Variants in SNED1 observed in about 807,000 individuals in gnomAD.
The protein encoded by SNED1 is sushi, nidogen and EGF-like domain-containing protein 1.
SNED1 carries 81 observed loss-of-function variants against 166.7 expected under a neutral mutation model. The ratio of observed to expected loss-of-function variants is 0.49; its 90% CI spans 0.41 to 0.58. The LOEUF (loss-of-function observed/expected upper bound fraction) is 0.58. Ranked by LOEUF, SNED1 falls within the 20% of genes least tolerant of loss-of-function variation. The probability of loss-of-function intolerance (pLI) is 0.00; values close to 1 mark genes in which losing one functional copy is unlikely to be tolerated. For missense variants in SNED1, 1,604 were observed against 2,000.2 expected (o/e 0.80, Z 3.78); for synonymous variants, 762 against 822.0 (o/e 0.93, Z 1.25).
At chr2:241,046,209 A>G (rs1368896716) in intron 8 of SNED1, among the ~76,000 whole-genome samples, 3 of 152,250 alleles carry the variant, frequency 2.0e-5, no homozygotes, top group Admixed American at 6.5e-5. Flanking sequence ...TTTAGTGGAA[A>G]TGCAAAATGG....
At position 241,067,787 on chromosome 2, in the gene SNED1, G is replaced by T; in HGVS notation, c.3034G>T (p.Glu1012Ter). The change falls in exon 22 of 32, where the codon GAG becomes TAG. Residue 1012 changes from glutamate to a stop codon, truncating the protein, a stop_gained. Transcript: ENST00000310397. LOFTEE classifies it high-confidence loss of function. ...AGGACCCCGCCCTGTGGAAGGCTTCGAGGTCACCAATGTGACGGCTAGCAC... is the reference window on the plus strand; with the variant it reads ...AGGACCCCGCCCTGTGGAAGGCTTCTAGGTCACCAATGTGACGGCTAGCAC... ...RTRPRPVEGF[E>*]VTNVTASTIS... 1 of 1,610,798 alleles carries T rather than the reference G, an allele frequency of 6.2e-7. No homozygotes were observed. Among genetic ancestry groups the T allele is most frequent in the Non-Finnish European group, 8.5e-7 (1 of 1,177,536 alleles).
intron 17 of SNED1, 139 bp from the exon 18 acceptor site, chr2:241,063,448 G>A (rs2062307505): frequency 1.5e-6 from 1 of 687,478 alleles, no homozygotes; most frequent in African/African-American, 1.8e-5. Context: ...GCTGATGGAA[G>A]AAAAAGCACA....
chr2:241,000,789 A>G (rs922830030), intron 1 of SNED1, among the ~76,000 whole-genome samples: 3 of 152,186 alleles, frequency 2.0e-5, no homozygotes, highest in Non-Finnish European at 4.4e-5. Flanking sequence ...TCCTGAAACA[A>G]AGATATTATT....
At chr2:241,088,447 A>G (rs781587567) in intron 31 of SNED1, 45 bp downstream of exon 31, 57 of 1,528,094 alleles carry the variant, frequency 3.7e-5, no homozygotes, top group Non-Finnish European at 4.8e-5. Context: ...AGCTGCTGGG[A>G]AGTGGGGGGC....
At chr2:241,015,346 T>C (rs981339798) in intron 1 of SNED1, among the ~76,000 whole-genome samples, 18 of 152,244 alleles carry the variant, frequency 1.2e-4, no homozygotes, top group African/African-American at 4.1e-4. Flanking sequence ...AGAGTTACTC[T>C]TAGGTACTTG....
Position 241,051,792 on chromosome 2 carries a change from G to A in SNED1, c.1784G>A (p.Cys595Tyr). The A allele has an allele frequency of 6.4e-7, 1 of 1,559,020 alleles. No individual in the cohort carries two copies. The highest frequency in any genetic ancestry group is 1.2e-5 in the South Asian group (1 of 84,134). ...SSGPCRNGGT[C>Y]KEAGGEYHCS... ...GGGCCCTGCCGGAACGGGGGCACGT[G>A]CAAGGAGGCGGGCGGCGAGTACCAC... The change falls in exon 13 of 32, where the codon TGC (cysteine) becomes TAC (tyrosine). Residue 595 changes from cysteine to tyrosine, a missense_variant. By Grantham distance (194) the Cys-to-Tyr change is radical. Coordinates refer to ENST00000310397, the MANE Select transcript of SNED1 (RefSeq NM_001080437.3). This position sits in a 1 kb window ranked among gnomAD's most constrained non-coding sequence, Gnocchi z 4.7.
intron 27 of SNED1, among the ~76,000 whole-genome samples, chr2:241,080,010 C>T (rs962671113): frequency 4.2e-4 from 64 of 152,184 alleles, no homozygotes; most frequent in East Asian, 3.9e-4. Context: ...TTTGGCTGGG[C>T]GCAGTGGCTC....
intron 1 of SNED1, among the ~76,000 whole-genome samples, chr2:241,012,651 C>A (rs2060446885): frequency 6.6e-6 from 1 of 152,136 alleles, no homozygotes; most frequent in African/African-American, 2.4e-5. Context: ...AATTGACAGA[C>A]AAAATTGTGT....
intron 1 of SNED1, among the ~76,000 whole-genome samples, chr2:241,025,373 C>T (rs2060926816): frequency 1.3e-5 from 2 of 152,118 alleles, no homozygotes; most frequent in South Asian, 4.1e-4. Flanking sequence ...GGACCACTGC[C>T]CTAGACAACA....
rs2060668531 is a variant in SNED1, at chr2:241,018,490, G to A, written c.214-11794G>A. Among the ~76,000 whole-genome samples the A allele has an allele frequency of 6.6e-6, 1 of 152,186 alleles. No individual in the cohort carries two copies. The highest frequency in any genetic ancestry group is 1.9e-4 in the East Asian group (1 of 5,190). ...GTTCACTCAGCCCCCTGCACGTCCC[G>A]GGGTCTAAGGTGGTCCCTGGTCAGG... On this transcript the variant is annotated intron_variant, in intron 1 of 31. Transcript: ENST00000310397. This position sits in a 1 kb window ranked among gnomAD's most constrained non-coding sequence, Gnocchi z 5.4.
intron 16 of SNED1, among the ~76,000 whole-genome samples, chr2:241,061,300 C>T (rs557614800): frequency 2.0e-5 from 3 of 152,262 alleles, no homozygotes; most frequent in Admixed American, 2.0e-4. Flanking sequence ...CAGGGAAATG[C>T]AAATCAAAAG....
rs750170874 is a variant in SNED1 at position 241,069,971 on chromosome 2, C to T, written c.3359C>T (p.Ala1120Val). Residue 1120 changes from alanine to valine, a missense_variant, in exon 24 of 32, where the codon GCC becomes GTC. By Grantham distance (64) the Ala-to-Val change is moderately conservative. Coordinates refer to ENST00000310397, the MANE Select transcript of SNED1 (RefSeq NM_001080437.3). This position sits in a 1 kb window ranked among gnomAD's most constrained non-coding sequence, Gnocchi z 4.9. ...LTAARVTATSAHVVWDAPTPG... is the reference protein window; with the variant it reads ...LTAARVTATSVHVVWDAPTPG... ...GCCGCCCGAGTCACTGCCACCTCTG[C>T]CCACGTGGTCTGGGATGCCCCGACT... 12 of 1,612,890 alleles carry T rather than the reference C, an allele frequency of 7.4e-6. No homozygotes were observed. Among genetic ancestry groups the T allele is most frequent in the Non-Finnish European group, 9.3e-6 (11 of 1,179,886 alleles).
chr2:241,004,518 C>T (rs1490957853), intron 1 of SNED1, among the ~76,000 whole-genome samples: 2 of 144,686 alleles, frequency 1.4e-5, no homozygotes, highest in African/African-American at 5.1e-5. Flanking sequence ...TTATTACCTA[C>T]ACCTCTGATT....
chr2:241,006,241 T>A (rs2060218215), intron 1 of SNED1, among the ~76,000 whole-genome samples: 3 of 152,236 alleles, frequency 2.0e-5, no homozygotes. Context: ...TGTATTTGGA[T>A]CTTTTCTGCA....
intron 16 of SNED1, among the ~76,000 whole-genome samples, chr2:241,061,017 T>C (rs373981135): frequency 6.6e-6 from 1 of 152,216 alleles, no homozygotes; most frequent in East Asian, 1.9e-4. Context: ...GAAAGACTCC[T>C]TAAGCCACAA....
At position 241,087,584 on chromosome 2, in the gene SNED1, G is replaced by A. The variant is rs1388148321; in HGVS notation, c.4205+109G>A. On this transcript the variant is annotated intron_variant, in intron 30 of 31. Coordinates refer to ENST00000310397, the MANE Select transcript of SNED1 (RefSeq NM_001080437.3). Reference sequence around the variant, plus strand: ...GCAGGCCTGTGGGCTGAGCCAGGCGGTCTACTCGCCCAGATAGGCAGCCCC... The same window carrying A: ...GCAGGCCTGTGGGCTGAGCCAGGCGATCTACTCGCCCAGATAGGCAGCCCC... 11 of 1,458,448 alleles carry A rather than the reference G, an allele frequency of 7.5e-6. No individual in the cohort carries two copies. In the Admixed American group the frequency reaches 2.8e-4, roughly 37 times the overall value. 90.3% of individuals were successfully genotyped at this position (1,458,448 alleles called of 1,614,324 possible).
Position 241,087,444 on chromosome 2 carries a change from G to A in SNED1, c.4174G>A (p.Glu1392Lys), listed in dbSNP as rs568339809. ...AGACATCTGCTTCAAAGAGAGCTGT[G>A]AAAGCACAAGCCTCAAGAAGACCCC... is the stretch of plus-strand genomic sequence containing the variant. ...HQDICFKESC[E>K]STSLKKTPNR... The change falls in exon 30 of 32, where the codon GAA becomes AAA. Residue 1392 changes from glutamate (E) to lysine (K), a missense_variant. Around this residue, in one of 2 missense-constraint regions of SNED1, gnomAD observed 367 missense variants for 379.4 expected, o/e 0.97. Coordinates refer to ENST00000310397, the MANE Select transcript of SNED1 (RefSeq NM_001080437.3). 46 of 1,603,098 alleles carry A rather than the reference G, an allele frequency of 2.9e-5. No homozygotes were observed. In the East Asian group the frequency reaches 9.9e-4, roughly 35 times the overall value.
rs774073619 is a variant in SNED1, at chr2:241,089,328, C to A, written c.*1+926C>A. 39 of 1,550,304 alleles carry A rather than the reference C, an allele frequency of 2.5e-5. No individual in the cohort carries two copies. The highest frequency in any genetic ancestry group is 2.8e-5 in the Non-Finnish European group (32 of 1,146,942). On this transcript the variant is annotated intron_variant, in intron 31 of 31. Coordinates refer to ENST00000310397, the MANE Select transcript of SNED1 (RefSeq NM_001080437.3). Reference sequence around the variant, plus strand: ...AGATGAGTGAGGCACCCTTGGGTAACAAGCCACTTCAAAACAGGTCTATGT... The same window carrying A: ...AGATGAGTGAGGCACCCTTGGGTAAAAAGCCACTTCAAAACAGGTCTATGT...
At position 241,069,062 on chromosome 2, in the gene SNED1, G is replaced by C. The variant is rs768173462; in HGVS notation, c.3307+39G>C. On this transcript the variant is annotated intron_variant, in intron 23 of 31. Coordinates refer to ENST00000310397, the MANE Select transcript of SNED1 (RefSeq NM_001080437.3). This position sits in a 1 kb window ranked among gnomAD's most constrained non-coding sequence, Gnocchi z 4.9. Reference sequence around the variant, plus strand: ...CGCGGCCCCCGGCACACGAAAGGCCGTCTTCTAGAAGCTCTGGCTTCCTTC... The same window carrying C: ...CGCGGCCCCCGGCACACGAAAGGCCCTCTTCTAGAAGCTCTGGCTTCCTTC... The C allele has an allele frequency of 2.2e-6, 3 of 1,393,036 alleles. No homozygotes were observed. The highest frequency in any genetic ancestry group is 3.0e-6 in the Non-Finnish European group (3 of 1,013,528). The allele number at this position is 1,393,036 out of a possible 1,614,324, so 86.3% of individuals were successfully genotyped here. A position where few individuals can be genotyped will look rare whatever the true frequency, so the allele number is the denominator to read the frequency against.
Sources: allele counts gnomAD v4.1 joint callset (sites outside exome capture counted in the v4.1 genomes callset), GRCh38; gene constraint gnomAD v4.1.1; regional missense constraint gnomAD v4.1.1; non-coding constraint Gnocchi (gnomAD v3.1); transcripts MANE v1.5; gene names NCBI Gene and HGNC (gene_info 2026-07-23, HGNC 2026-07-21).